The following LAMA3 variants were observed in gnomAD, a reference collection of about 807,000 sequenced individuals.
LAMA3 encodes laminin subunit alpha 3.
Under a neutral mutation model 402.0 loss-of-function variants are expected in LAMA3, and 281 were observed. The observed-to-expected ratio is 0.70, with a 90% confidence interval of 0.63 to 0.77. The LOEUF (loss-of-function observed/expected upper bound fraction) is 0.77. LAMA3 is among the 30% of genes least tolerant of loss of function. LAMA3 has a pLI of 0.00. For missense variants in LAMA3, 3,840 were observed against 4,215.5 expected (o/e 0.91, Z 2.47); for synonymous variants, 1,431 against 1,558.4 (o/e 0.92, Z 1.93).
chr18:23,886,550 G>A (rs1199197804), intron 41 of LAMA3, among the ~76,000 whole-genome samples: 1 of 151,864 alleles, frequency 6.6e-6, no homozygotes, highest in Non-Finnish European at 1.5e-5. Context: ...GCTGAGGTAG[G>A]AGAACCATAT....
At chr18:23,725,266 C>A (rs763506652) in intron 2 of LAMA3, among the ~76,000 whole-genome samples, 1 of 152,146 alleles carries the variant, frequency 6.6e-6, no homozygotes, top group Admixed American at 6.5e-5. Flanking sequence ...TGGGCCACCA[C>A]GCCCAGCTAA....
At chr18:23,834,895 A>C (rs1254882207) in intron 24 of LAMA3, 1 of 152,270 alleles carries the variant, frequency 6.6e-6, no homozygotes, top group Non-Finnish European at 1.5e-5. Context: ...AGAATCGATG[A>C]AATGGCTATT....
At chr18:23,946,016 T>C (rs998848517) in intron 69 of LAMA3, 128 bp from the exon 70 acceptor site, 4 of 894,602 alleles carry the variant, frequency 4.5e-6, no homozygotes, top group Middle Eastern at 6.7e-4. Flanking sequence ...AAAAAATCTC[T>C]CATCTTTTGA....
At chr18:23,803,542 T>TC (rs1236227657) in intron 12 of LAMA3, among the ~76,000 whole-genome samples, 3 of 152,146 alleles carry the variant, frequency 2.0e-5, no homozygotes, top group Non-Finnish European at 2.9e-5. Context: ...CTCAGACCCT[T>TC]CCCCAGATCT....
Position 23,847,556 on chromosome 18 carries a change from A to G in LAMA3, c.4024A>G (p.Thr1342Ala), listed in dbSNP as rs1211904115. The part of the protein sequence containing the change: ...TVRPQCEVCE[T>A]HSFSFHPMAG... Reference sequence around the variant, plus strand: ...CAGGCCCCAGTGTGAGGTGTGTGAGACACACTCATTCAGCTTCCACCCCAT... The same window carrying G: ...CAGGCCCCAGTGTGAGGTGTGTGAGGCACACTCATTCAGCTTCCACCCCAT... The change falls in exon 32 of 75, where the codon ACA becomes GCA. Residue 1342 changes from threonine (T) to alanine (A), a missense_variant. Around this residue, in one of 3 missense-constraint regions of LAMA3, gnomAD observed 2,109 missense variants for 2,376.0 expected, o/e 0.89. Transcript: ENST00000313654. 6.2e-7 allele frequency: 1 copy of G among 1,614,028 alleles called. No homozygotes were observed. The highest frequency in any genetic ancestry group is 2.2e-5 in the East Asian group (1 of 44,872).
intron 2 of LAMA3, among the ~76,000 whole-genome samples, chr18:23,744,241 G>A (rs1280988090): frequency 6.6e-6 from 1 of 152,126 alleles, no homozygotes; most frequent in Non-Finnish European, 1.5e-5. Flanking sequence ...TACACAGCAG[G>A]GGTGGTGATA....
chr18:23,705,310 A>C (rs915848081), intron 1 of LAMA3, among the ~76,000 whole-genome samples: 1 of 152,132 alleles, frequency 6.6e-6, no homozygotes, highest in Non-Finnish European at 1.5e-5. Context: ...AATATCGGAC[A>C]TCAGGCACGG....
At chr18:23,730,590 C>T (rs2061377972) in intron 2 of LAMA3, among the ~76,000 whole-genome samples, 1 of 152,078 alleles carries the variant, frequency 6.6e-6, no homozygotes, top group Non-Finnish European at 1.5e-5. Flanking sequence ...TGGTCTTGAA[C>T]TCCTAACCTC....
At chr18:23,867,110 C>A (rs954736255) in intron 36 of LAMA3, among the ~76,000 whole-genome samples, 2 of 152,200 alleles carry the variant, frequency 1.3e-5, no homozygotes, top group African/African-American at 2.4e-5. Context: ...GCTCCACATG[C>A]CAGCTGCAGC....
chr18:23,843,606 C>T (rs544887627), intron 29 of LAMA3, among the ~76,000 whole-genome samples: 1 of 152,302 alleles, frequency 6.6e-6, no homozygotes, highest in East Asian at 1.9e-4. Flanking sequence ...GCCTCCTCCG[C>T]ACTCCTGGCC....
At chr18:23,750,432 GTTTTTTTTTTTTTTTT>G (rs66582854) in intron 4 of LAMA3, among the ~76,000 whole-genome samples, 13 of 33,030 alleles carry the variant, frequency 3.9e-4, no homozygotes, top group East Asian at 2.0e-3. Flanking sequence ...GGTTTACACA[GTTTTTTTTTTTTTTTT>G]TTTTTTTTTT....
chr18:23,725,634 C>A (rs754904718), intron 2 of LAMA3, among the ~76,000 whole-genome samples: 11 of 152,130 alleles, frequency 7.2e-5, no homozygotes, highest in Non-Finnish European at 1.6e-4. Flanking sequence ...GGTCCCCAGG[C>A]GGCCTCAGGG....
intron 42 of LAMA3, 88 bp downstream of exon 42, chr18:23,890,205 T>C (rs1461024330): frequency 5.5e-5 from 47 of 855,476 alleles, no homozygotes; most frequent in Non-Finnish European, 6.0e-5. Flanking sequence ...ATCTTCAGGA[T>C]GCATAATACA....
At position 23,824,745 on chromosome 18, in the gene LAMA3, A is replaced by G. The variant is rs775325209; in HGVS notation, c.2571+180A>G. Among the ~76,000 whole-genome samples, 6 of 152,258 alleles carry G rather than the reference A, an allele frequency of 3.9e-5. No homozygotes were observed. In the East Asian group the frequency reaches 5.8e-4, roughly 15 times the overall value. On this transcript the variant is annotated intron_variant, in intron 21 of 74. Transcript: ENST00000313654. ...GGTGACATTCACCCTCAAATGACAT[A>G]GGAATCAACTTGAAGTATCTTTTGT...
chr18:23,694,711 C>CT (rs1260695205), intron 1 of LAMA3, among the ~76,000 whole-genome samples: 2 of 152,212 alleles, frequency 1.3e-5, no homozygotes, highest in African/African-American at 4.8e-5. Context: ...ACTCCTTCCT[C>CT]TGAGTTCCAG....
At chr18:23,740,521 G>A (rs1209989845) in intron 2 of LAMA3, among the ~76,000 whole-genome samples, 1 of 151,898 alleles carries the variant, frequency 6.6e-6, no homozygotes, top group Non-Finnish European at 1.5e-5. Context: ...GGCTCCTGTG[G>A]TTCTTTTATA....
At position 23,945,013 on chromosome 18, in the gene LAMA3, A is replaced by G. The variant is rs375076158; in HGVS notation, c.9210+1042A>G. Among the ~76,000 whole-genome samples the G allele has an allele frequency of 2.6e-5, 4 of 152,112 alleles. No individual in the cohort carries two copies. The South Asian group carries it at 6.2e-4, about 24-fold the overall frequency. On this transcript the variant is annotated intron_variant, in intron 69 of 74. Coordinates refer to ENST00000313654, the MANE Select transcript of LAMA3 (RefSeq NM_198129.4). The stretch of plus-strand genomic sequence containing the variant: ...CTGGGCATGGTGGCATGCACCTGTA[A>G]TCCCAGCTACTCAGGAGGCTGAGGC...
At chr18:23,921,645 A>C in intron 62 of LAMA3, 60 bp downstream of exon 62, 1 of 1,535,836 alleles carries the variant, frequency 6.5e-7, no homozygotes, top group Middle Eastern at 2.0e-4. Context: ...GATTGTGACC[A>C]AAAAAAATCT....
intron 8 of LAMA3, among the ~76,000 whole-genome samples, chr18:23,764,749 A>G (rs552995641): frequency 2.6e-5 from 4 of 152,354 alleles, no homozygotes; most frequent in African/African-American, 9.6e-5. Context: ...TAGACATAAC[A>G]TAAAATTTAC....
Sources: allele counts gnomAD v4.1 joint callset (sites outside exome capture counted in the v4.1 genomes callset), GRCh38; gene constraint gnomAD v4.1.1; regional missense constraint gnomAD v4.1.1; transcripts MANE v1.5; gene names NCBI Gene and HGNC (gene_info 2026-07-23, HGNC 2026-07-21).